PHF8: variants seen among roughly 807,000 people sequenced by gnomAD.
The protein encoded by PHF8 is histone lysine demethylase PHF8.
A neutral mutation model predicts 74.4 loss-of-function variants in PHF8; 9 were observed. The ratio of observed to expected loss-of-function variants is 0.12; its 90% confidence interval spans 0.07 to 0.21. The LOEUF is 0.21. Among genes scored for constraint, PHF8 ranks in the 10% least tolerant of loss-of-function variants. The pLI, the probability that PHF8 is intolerant of heterozygous loss-of-function variation, is 1.00. For synonymous variants in PHF8, 311 were observed against 316.6 expected, an observed-to-expected ratio of 0.98 and a Z score of 0.19; for missense variants, 478 against 816.6, an observed-to-expected ratio of 0.59 and a Z score of 5.05.
At chrX:53,988,203 C>A (rs946679571) in intron 14 of PHF8, among the ~76,000 whole-genome samples, 1 of 111,924 alleles carries the variant, frequency 8.9e-6, no homozygotes, top group African/African-American at 3.3e-5. Flanking sequence ...GTAATCAAGG[C>A]AATGCAATAC....
At chrX:54,046,631 G>T (rs1557117553), upstream of PHF8, among the ~76,000 whole-genome samples, 1 of 109,751 alleles carries the variant, frequency 9.1e-6, no homozygotes, top group African/African-American at 3.3e-5. Flanking sequence ...TCAAAGGTAG[G>T]CAGTAAGAGT....
chrX:53,949,897 CATTCAATGCA>C (rs2064896848), intron 19 of PHF8, among the ~76,000 whole-genome samples: 1 of 106,286 alleles, frequency 9.4e-6, no homozygotes, highest in Non-Finnish European at 1.9e-5. Context: ...AAGAAAATAT[CATTCAATGCA>C]TATTTAAGTA....
intron 18 of PHF8, among the ~76,000 whole-genome samples, chrX:53,966,564 C>T (rs1459229765): frequency 6.3e-5 from 7 of 111,932 alleles, no homozygotes; most frequent in Admixed American, 1.9e-4. Flanking sequence ...AGTGCAGTGG[C>T]GTGATCTCGG....
In PHF8 at chrX:54,044,432, C is replaced by T. The variant is rs1376615366; in HGVS notation, c.-763G>A. The T allele has an allele frequency of 2.7e-6, 2 of 752,145 alleles. No individual in the cohort carries two copies. The highest frequency in any genetic ancestry group is 3.1e-6 in the Non-Finnish European group (2 of 637,721). The allele number at this position is 752,145 out of a possible 1,213,427, so 62.0% of individuals were successfully genotyped here. On this transcript the variant is annotated 5_prime_UTR_variant, in exon 1 of 22. Transcript: ENST00000338154. ...GTTGAGAGTGGCGGCGCTACCCAGA[C>T]AACCAAGGCGACCGCCATCTTATGA...
At chrX:54,036,102 C>CAAAAAAAAAAAAA (rs1159910510) in intron 2 of PHF8, among the ~76,000 whole-genome samples, 2 of 26,199 alleles carry the variant, frequency 7.6e-5, no homozygotes, top group Non-Finnish European at 1.5e-4. Context: ...AACTCCATCT[C>CAAAAAAAAAAAAA]AAAAAAAAAA....
chrX:54,014,575 G>T lies in PHF8; in HGVS notation c.597-12C>A. ...CAAGGTTAGAAAGTCTACCAAGGAA[G>T]GGGTGGAGAGCAGATGTCAGCTGAT... On this transcript the variant is annotated splice_polypyrimidine_tract_variant and intron_variant, in intron 6 of 21. Transcript: ENST00000338154. 1 of 1,162,493 alleles carries T rather than the reference G, an allele frequency of 8.6e-7. No homozygotes were observed. The highest frequency in any genetic ancestry group is 1.2e-6 in the Non-Finnish European group (1 of 851,958).
At chrX:54,044,888 C>G (rs2146534545), upstream of PHF8, 1 of 1,156,154 alleles carries the variant, frequency 8.6e-7, no homozygotes, top group Non-Finnish European at 1.2e-6. Context: ...GGCTCCTGTT[C>G]ATTGAGCACC....
intron 2 of PHF8, among the ~76,000 whole-genome samples, chrX:54,027,434 T>A (rs1290834627): frequency 2.7e-5 from 3 of 111,274 alleles, no homozygotes; most frequent in Non-Finnish European, 5.7e-5. Context: ...CTCCCACCCT[T>A]AGCTGCCTAG....
rs373296308 is a variant in PHF8 at position 54,017,725 on chromosome X, C to T, written c.390G>A (p.Lys130=). Residue 130 remains lysine (K), a synonymous_variant, in exon 5 of 22, where the codon AAG becomes AAA. Transcript: ENST00000338154. The part of the protein sequence containing the change: ...SFSVPILVLK[K]DGLGMTLPSP... ...AGGGCAGCGTCATGCCCAACCCATC[C>T]TTCTTCAGGACCAGGATGGGCACAC... is the stretch of plus-strand genomic sequence containing the variant. The T allele has an allele frequency of 2.7e-5, 32 of 1,206,848 alleles. No individual in the cohort carries two copies. Among genetic ancestry groups the T allele is most frequent in the South Asian group, 1.4e-4 (8 of 56,730 alleles).
At chrX:53,971,492 G>C (rs1557094516) in intron 18 of PHF8, among the ~76,000 whole-genome samples, 1 of 111,167 alleles carries the variant, frequency 9.0e-6, no homozygotes, top group African/African-American at 3.3e-5. Flanking sequence ...AACGGAAGGA[G>C]ACAGAGACAC....
At chrX:53,944,724 T>G (rs782769984) in intron 19 of PHF8, among the ~76,000 whole-genome samples, 1 of 111,880 alleles carries the variant, frequency 8.9e-6, no homozygotes, top group Non-Finnish European at 1.9e-5. Flanking sequence ...TCTCTAAAAA[T>G]AGAACAATAA....
intron 2 of PHF8, among the ~76,000 whole-genome samples, chrX:54,026,655 G>A (rs1319341361): frequency 9.0e-6 from 1 of 110,845 alleles, no homozygotes; most frequent in East Asian, 2.8e-4. Flanking sequence ...GAGAGCAGTG[G>A]TGCCAATCAT....
At chrX:54,004,527 A>T (rs782105477) in intron 8 of PHF8, among the ~76,000 whole-genome samples, 10 of 112,364 alleles carry the variant, frequency 8.9e-5, no homozygotes, top group Admixed American at 3.8e-4. Flanking sequence ...AGAAATCATC[A>T]TAAGAATACC....
At chrX:53,955,348 G>A (rs1415187009) in intron 19 of PHF8, among the ~76,000 whole-genome samples, 1 of 110,317 alleles carries the variant, frequency 9.1e-6, no homozygotes, top group African/African-American at 3.3e-5. Flanking sequence ...CAAAGTGCTA[G>A]GATTACAGGC....
intron 3 of PHF8, 142 bp downstream of exon 3, chrX:54,022,616 T>C: frequency 2.0e-6 from 1 of 500,436 alleles, no homozygotes; most frequent in East Asian, 3.6e-5. Flanking sequence ...GGTGCTGGCC[T>C]GTGGAGCCTG....
At chrX:53,979,991 T>C (rs2065454228) in intron 18 of PHF8, among the ~76,000 whole-genome samples, 1 of 111,083 alleles carries the variant, frequency 9.0e-6, no homozygotes, top group South Asian at 3.8e-4. Context: ...TGTGTCTAAA[T>C]AAGTAAATAA....
intron 14 of PHF8, 45 bp downstream of exon 14, chrX:53,992,691 C>T (rs782292270): frequency 1.3e-5 from 10 of 783,595 alleles, no homozygotes; most frequent in Non-Finnish European, 1.8e-5. Flanking sequence ...TGGCATATTA[C>T]CACTGACAGT....
intron 16 of PHF8, among the ~76,000 whole-genome samples, chrX:53,986,851 C>G (rs1313498050): frequency 9.0e-6 from 1 of 111,042 alleles, no homozygotes; most frequent in African/African-American, 3.3e-5. Context: ...GAGCTGGCCC[C>G]GGAGGTCAAG....
chrX:54,036,281 A>G (rs782430530), intron 2 of PHF8, among the ~76,000 whole-genome samples: 1 of 110,605 alleles, frequency 9.0e-6, no homozygotes, highest in Non-Finnish European at 1.9e-5. Flanking sequence ...ACTCTGGGCT[A>G]TAAAACAAAT....
Sources: allele counts gnomAD v4.1 joint callset (sites outside exome capture counted in the v4.1 genomes callset), GRCh38; gene constraint gnomAD v4.1.1; transcripts MANE v1.5; gene names NCBI Gene and HGNC (gene_info 2026-07-23, HGNC 2026-07-21).